Variants in LDLRAD4 observed in about 807,000 individuals in gnomAD.
The protein encoded by LDLRAD4 is low-density lipoprotein receptor class A domain-containing protein 4.
A neutral mutation model predicts 17.0 loss-of-function variants in LDLRAD4; 5 were observed. The ratio of observed to expected loss-of-function variants is 0.29; its 90% CI spans 0.15 to 0.62. The LOEUF is 0.62. Among genes scored for constraint, LDLRAD4 ranks in the 20% least tolerant of loss-of-function variants. The probability of loss-of-function intolerance (pLI) is 0.84; values close to 1 mark genes in which losing one functional copy is unlikely to be tolerated. For missense variants in LDLRAD4, 340 were observed against 424.7 expected (o/e 0.80, Z 1.75); for synonymous variants, 168 against 171.8 (o/e 0.98, Z 0.17).
chr18:13,469,316 A>G (rs2146714271), intron 3 of LDLRAD4, among the ~76,000 whole-genome samples: 2 of 152,328 alleles, frequency 1.3e-5, no homozygotes, highest in Admixed American at 1.3e-4. Context: ...ACTATGGAAA[A>G]CAGTTTGATG....
upstream of LDLRAD4, among the ~76,000 whole-genome samples, chr18:13,274,890 A>G (rs575643852): frequency 1.2e-4 from 19 of 152,286 alleles, no homozygotes; most frequent in South Asian, 4.1e-4. Context: ...AGAGCTGGGC[A>G]TGGTGGTGTG....
At chr18:13,370,360 T>G (rs747768905) in intron 1 of LDLRAD4, among the ~76,000 whole-genome samples, 17 of 152,224 alleles carry the variant, frequency 1.1e-4, no homozygotes, top group Non-Finnish European at 2.2e-4. Flanking sequence ...AGGTGGGGCT[T>G]GTGGTCTCTG....
chr18:13,614,431 G>C (rs2039894289), intron 3 of LDLRAD4: 1 of 152,188 alleles, frequency 6.6e-6, no homozygotes, highest in Non-Finnish European at 1.5e-5. Flanking sequence ...CTGTAGGGTA[G>C]CTTTTTTCCC....
At chr18:13,541,755 A>G (rs1248242990) in intron 3 of LDLRAD4, among the ~76,000 whole-genome samples, 1 of 152,230 alleles carries the variant, frequency 6.6e-6, no homozygotes, top group Non-Finnish European at 1.5e-5. Context: ...CACTGAGAGT[A>G]ATATATGAAA....
chr18:13,645,017 T>G lies in LDLRAD4; in HGVS notation c.391-110T>G. The G allele has an allele frequency of 3.6e-6, 3 of 825,282 alleles. No individual in the cohort carries two copies. The highest frequency in any genetic ancestry group is 5.7e-6 in the Non-Finnish European group (3 of 526,146). The allele number at this position is 825,282 out of a possible 1,614,324, so 51.1% of individuals were successfully genotyped here. A position where few individuals can be genotyped will look rare whatever the true frequency, so the allele number is the denominator to read the frequency against. ...TCTTTTTTTTTTTCCTGGGAGATGG[T>G]GTTCAAACTGGTAGGAACACACACC... On this transcript the variant is annotated intron_variant, in intron 5 of 5. Transcript: ENST00000359446. This position sits in a 1 kb window ranked among gnomAD's most constrained non-coding sequence, Gnocchi z 5.7.
intron 2 of LDLRAD4, among the ~76,000 whole-genome samples, chr18:13,390,223 T>G (rs1250028411): frequency 1.3e-5 from 2 of 152,230 alleles, no homozygotes; most frequent in Admixed American, 6.5e-5. Flanking sequence ...AGTGTCAGCC[T>G]GGCTGAGGAA....
intron 1 of LDLRAD4, among the ~76,000 whole-genome samples, chr18:13,384,007 A>G (rs1370405426): frequency 6.6e-6 from 1 of 152,174 alleles, no homozygotes; most frequent in Admixed American, 6.5e-5. Flanking sequence ...TGATGCGGTA[A>G]CACAGCTGTG....
At chr18:13,526,955 C>T (rs998989714) in intron 3 of LDLRAD4, among the ~76,000 whole-genome samples, 2 of 152,178 alleles carry the variant, frequency 1.3e-5, no homozygotes, top group East Asian at 3.8e-4. Flanking sequence ...TGGTTACTGT[C>T]TGTCTCATGA....
At chr18:13,447,819 A>G (rs2091518974) in intron 3 of LDLRAD4, among the ~76,000 whole-genome samples, 1 of 152,248 alleles carries the variant, frequency 6.6e-6, no homozygotes, top group Non-Finnish European at 1.5e-5. Context: ...CGTGCCAGAC[A>G]GATGGGTCAT....
chr18:13,398,543 ATGGG>A lies in LDLRAD4; in HGVS notation c.40+10786_40+10789del, dbSNP rs772972349. ...TGATGGGAAGTAGGAGAGCAGAAAGATGGGTGGGAAAGTGGGAATGACTGTGGGT... is the reference window on the plus strand; with the variant it reads ...TGATGGGAAGTAGGAGAGCAGAAAGATGGGAAAGTGGGAATGACTGTGGGT... On this transcript the variant is annotated intron_variant, in intron 2 of 5. Coordinates refer to ENST00000359446, the Ensembl canonical transcript of LDLRAD4. This position sits in a 1 kb window ranked among gnomAD's most constrained non-coding sequence, Gnocchi z 4.8. Among the ~76,000 whole-genome samples, 1 of 152,066 alleles carries A rather than the reference ATGGG, an allele frequency of 6.6e-6. No individual in the cohort carries two copies. Among genetic ancestry groups the A allele is most frequent in the Non-Finnish European group, 1.5e-5 (1 of 68,008 alleles).
At chr18:13,478,906 T>G (rs935426279) in intron 3 of LDLRAD4, among the ~76,000 whole-genome samples, 1 of 152,158 alleles carries the variant, frequency 6.6e-6, no homozygotes, top group Non-Finnish European at 1.5e-5. Flanking sequence ...TCAAGATAGG[T>G]TGGCAAAAGA....
intron 1 of LDLRAD4, among the ~76,000 whole-genome samples, chr18:13,320,960 G>T (rs2081183990): frequency 6.6e-6 from 1 of 152,202 alleles, no homozygotes; most frequent in African/African-American, 2.4e-5. Flanking sequence ...CTGCAGGTGG[G>T]GAAAAGTAAA....
intron 3 of LDLRAD4, among the ~76,000 whole-genome samples, chr18:13,592,958 T>C (rs1275327805): frequency 6.6e-6 from 1 of 152,248 alleles, no homozygotes; most frequent in African/African-American, 2.4e-5. Flanking sequence ...AGAAAGTGTA[T>C]TCTTAAATTT....
At chr18:13,637,936 A>G (rs2042225013) in intron 4 of LDLRAD4, among the ~76,000 whole-genome samples, 1 of 149,474 alleles carries the variant, frequency 6.7e-6, no homozygotes, top group African/African-American at 2.5e-5. Context: ...TGTGCATAAC[A>G]ACAGCAAGTA....
chr18:13,518,125 C>T (rs767146026), intron 3 of LDLRAD4, among the ~76,000 whole-genome samples: 5 of 152,182 alleles, frequency 3.3e-5, no homozygotes, highest in African/African-American at 4.8e-5. Flanking sequence ...CTGGAAAACT[C>T]GCAGATTTTC....
At chr18:13,449,055 T>C (rs1187804447) in intron 3 of LDLRAD4, among the ~76,000 whole-genome samples, 2 of 152,228 alleles carry the variant, frequency 1.3e-5, no homozygotes, top group African/African-American at 4.8e-5. Context: ...GAAAAGAAGA[T>C]ATTTTTTGCT....
chr18:13,546,725 G>A (rs1000201476), intron 3 of LDLRAD4, among the ~76,000 whole-genome samples: 6 of 152,076 alleles, frequency 3.9e-5, no homozygotes, highest in Non-Finnish European at 5.9e-5. Flanking sequence ...TGATGCTGTC[G>A]GGCACGTGGT....
rs971411853 is a variant in LDLRAD4 at position 13,617,170 on chromosome 18, T to C, written c.182-3947T>C. 3.3e-5 allele frequency among the ~76,000 whole-genome samples: 5 copies of C among 152,048 alleles called. No homozygotes were observed. In the East Asian group the frequency reaches 9.6e-4, roughly 29 times the overall value. ...CCAGGCTGATCTTGAACTCCTGGTC[T>C]TAAACAATTCCCCCGTCTTGGTCTC... is the stretch of plus-strand genomic sequence containing the variant. On this transcript the variant is annotated intron_variant, in intron 3 of 5. Coordinates refer to ENST00000359446, the Ensembl canonical transcript of LDLRAD4.
chr18:13,423,758 C>T (rs2089687444), intron 2 of LDLRAD4: 1 of 152,564 alleles, frequency 6.6e-6, no homozygotes, highest in Non-Finnish European at 1.5e-5. Context: ...CATGGGCAAC[C>T]TGTGTTCATT....
Sources: allele counts gnomAD v4.1 joint callset (sites outside exome capture counted in the v4.1 genomes callset), GRCh38; gene constraint gnomAD v4.1.1; non-coding constraint Gnocchi (gnomAD v3.1); transcripts MANE v1.5; gene names NCBI Gene and HGNC (gene_info 2026-07-23, HGNC 2026-07-21).